The following SYT1 variants were observed in gnomAD, a reference collection of about 807,000 sequenced individuals.
The protein encoded by SYT1 is synaptotagmin 1, also known as synaptotagmin-1.
In SYT1, 8 loss-of-function variants were observed where a neutral mutation model predicts 44.8. That is an observed-to-expected ratio of 0.18 (90% CI 0.10 to 0.32). SYT1 has a LOEUF of 0.32. Among genes scored for constraint, SYT1 ranks in the 10% least tolerant of loss-of-function variants. SYT1 has a pLI of 1.00. For missense variants in SYT1, 286 were observed against 509.3 expected, an observed-to-expected ratio of 0.56 and a Z score of 4.22; for synonymous variants, 154 against 188.8, an observed-to-expected ratio of 0.82 and a Z score of 1.51.
intron 1 of SYT1, among the ~76,000 whole-genome samples, chr12:78,884,402 A>C (rs73349511): frequency 0.021 from 3,180 of 151,634 alleles, 115 homozygotes; most frequent in African/African-American, 0.073. Context: ...AAGCTAATTC[A>C]GTTTGATAAT....
At chr12:79,260,336 C>G (rs1389408121) in intron 4 of SYT1, among the ~76,000 whole-genome samples, 1 of 152,246 alleles carries the variant, frequency 6.6e-6, no homozygotes, top group Non-Finnish European at 1.5e-5. Context: ...GGTACTTCCT[C>G]AGAGAACCAC....
chr12:79,118,817 T>C (rs1879435511), intron 3 of SYT1, among the ~76,000 whole-genome samples: 1 of 152,204 alleles, frequency 6.6e-6, no homozygotes, highest in East Asian at 1.9e-4. Context: ...TTTACCTGGG[T>C]GATCTCATCT....
chr12:79,330,406 C>A (rs777149989), intron 8 of SYT1, among the ~76,000 whole-genome samples: 1 of 152,082 alleles, frequency 6.6e-6, no homozygotes, highest in African/African-American at 2.4e-5. Context: ...CTGAGTACTC[C>A]TAAATAATGA....
At chr12:79,099,463 A>G (rs893976152) in intron 3 of SYT1, among the ~76,000 whole-genome samples, 12 of 152,172 alleles carry the variant, frequency 7.9e-5, no homozygotes, top group African/African-American at 2.9e-4. Flanking sequence ...GTTGTAAGGC[A>G]TCTGGTTTGA....
intron 4 of SYT1, among the ~76,000 whole-genome samples, chr12:79,272,716 T>A (rs770623346): frequency 5.3e-5 from 8 of 152,010 alleles, no homozygotes; most frequent in Non-Finnish European, 1.2e-4. Context: ...AATGGGAAGA[T>A]AACCAAGGGG....
chr12:79,166,874 T>C (rs979392268), intron 3 of SYT1, among the ~76,000 whole-genome samples: 12 of 152,010 alleles, frequency 7.9e-5, no homozygotes, highest in African/African-American at 2.9e-4. Context: ...TTTGAGTAAA[T>C]CATTTAAATT....
chr12:79,086,335 A>G (rs1877382211), intron 3 of SYT1, among the ~76,000 whole-genome samples: 1 of 152,104 alleles, frequency 6.6e-6, no homozygotes, highest in African/African-American at 2.4e-5. Flanking sequence ...TCCTGTCAAG[A>G]TATCTACTCT....
At chr12:79,012,588 C>T (rs77695786) in intron 2 of SYT1, among the ~76,000 whole-genome samples, 1 of 152,080 alleles carries the variant, frequency 6.6e-6, no homozygotes, top group Non-Finnish European at 1.5e-5. Flanking sequence ...TATTGTGGTG[C>T]TTCTGGGATC....
At chr12:79,268,741 A>G (rs768485467) in intron 4 of SYT1, among the ~76,000 whole-genome samples, 2 of 152,224 alleles carry the variant, frequency 1.3e-5, no homozygotes, top group Non-Finnish European at 2.9e-5. Context: ...TAAGGAGACA[A>G]TTCTGAAGGC....
intron 3 of SYT1, among the ~76,000 whole-genome samples, chr12:79,105,923 A>T (rs996607574): frequency 2.0e-5 from 3 of 152,062 alleles, no homozygotes; most frequent in African/African-American, 7.2e-5. Context: ...TTGTTCTAAG[A>T]TAGAGACCAA....
chr12:79,194,291 A>T (rs573677481), intron 3 of SYT1, among the ~76,000 whole-genome samples: 4 of 151,902 alleles, frequency 2.6e-5, no homozygotes. Context: ...GTTTTTTACT[A>T]TTTTTTTCCT....
intron 3 of SYT1, among the ~76,000 whole-genome samples, chr12:79,125,572 A>G (rs1212654098): frequency 6.6e-6 from 1 of 151,066 alleles, no homozygotes; most frequent in Non-Finnish European, 1.5e-5. Context: ...CTGAGCTGTG[A>G]TTGCACCACT....
intron 1 of SYT1, among the ~76,000 whole-genome samples, chr12:78,940,919 G>A (rs1008398435): frequency 6.6e-6 from 1 of 152,000 alleles, no homozygotes; most frequent in Non-Finnish European, 1.5e-5. Context: ...CATTGAAAAC[G>A]TATGTGTGTC....
chr12:79,024,555 G>T (rs1312361342), intron 2 of SYT1, among the ~76,000 whole-genome samples: 1 of 151,652 alleles, frequency 6.6e-6, no homozygotes, highest in Non-Finnish European at 1.5e-5. Flanking sequence ...TGAGCAGTTT[G>T]TTCAACACTC....
intron 3 of SYT1, among the ~76,000 whole-genome samples, chr12:79,050,093 A>G (rs981935768): frequency 6.6e-6 from 1 of 152,038 alleles, no homozygotes; most frequent in Admixed American, 6.6e-5. Flanking sequence ...CTAATAGCCT[A>G]CTGTTGACTG....
intron 1 of SYT1, among the ~76,000 whole-genome samples, chr12:78,906,588 C>T (rs1323600344): frequency 6.6e-6 from 1 of 152,122 alleles, no homozygotes; most frequent in African/African-American, 2.4e-5. Context: ...CAAATTCATG[C>T]GACAGCATTC....
intron 2 of SYT1, among the ~76,000 whole-genome samples, chr12:79,023,410 G>T (rs1240611901): frequency 1.3e-5 from 2 of 151,748 alleles, no homozygotes; most frequent in African/African-American, 4.8e-5. Context: ...CATTTCTGGG[G>T]CTCCACAGAG....
intron 1 of SYT1, among the ~76,000 whole-genome samples, chr12:78,913,363 G>GA (rs1592552574): frequency 2.0e-5 from 3 of 150,994 alleles, no homozygotes; most frequent in Admixed American, 2.0e-4. Context: ...CATAAACTTT[G>GA]AAAAAATTCT....
At chr12:78,989,447 G>A (rs1376495623) in intron 2 of SYT1, among the ~76,000 whole-genome samples, 1 of 151,998 alleles carries the variant, frequency 6.6e-6, no homozygotes, top group Non-Finnish European at 1.5e-5. Context: ...GAAAACCCTG[G>A]GTCAGCCTCT....
Sources: gnomAD v4.1 joint callset for allele counts (sites outside exome capture counted in the v4.1 genomes callset) on GRCh38, gnomAD v4.1.1 for gene constraint, MANE v1.5 for transcripts, NCBI Gene and HGNC (gene_info 2026-07-23, HGNC 2026-07-21) for gene names.